Variants in ANK2 observed in about 807,000 individuals in gnomAD.
ANK2 encodes ankyrin 2, also known as ankyrin-2.
A neutral mutation model predicts 360.5 loss-of-function variants in ANK2; 83 were observed. That is an observed-to-expected ratio of 0.23 (90% CI 0.19 to 0.28). The LOEUF is 0.28. Among genes scored for constraint, ANK2 ranks in the 10% least tolerant of loss-of-function variants. The pLI, the probability that ANK2 is intolerant of heterozygous loss-of-function variation, is 1.00. For synonymous variants in ANK2, 1,740 were observed against 1,759.5 expected, an observed-to-expected ratio of 0.99 and a Z score of 0.28; for missense variants, 4,201 against 4,795.7, an observed-to-expected ratio of 0.88 and a Z score of 3.66.
chr4:112,726,618 G>A, the ANK2 span, among the ~76,000 whole-genome samples: 2 of 152,004 alleles, frequency 1.3e-5, no homozygotes, highest in African/African-American at 4.8e-5. Context: ...GCGGGAGGCC[G>A]AGGCGGGCAG....
Position 113,339,212 on chromosome 4 carries a change from T to A in ANK2, c.3797-14T>A. On this transcript the variant is annotated splice_polypyrimidine_tract_variant and intron_variant, in intron 31 of 45. Transcript: ENST00000357077. ...AGTTTTGCCTGATTTTTTTCAACAA[T>A]CATATTATTTCAGGTGGAACCACCC... 6.2e-7 allele frequency: 1 copy of A among 1,602,478 alleles called. No individual in the cohort carries two copies. The highest frequency in any genetic ancestry group is 8.5e-7 in the Non-Finnish European group (1 of 1,170,042).
Position 112,949,777 on chromosome 4 carries a change from A to C in ANK2, c.21+45263A>C, listed in dbSNP as rs140830747. Among the ~76,000 whole-genome samples, 133 of 152,362 alleles carry C rather than the reference A, an allele frequency of 8.7e-4. 1 individual carries two copies. The highest frequency in any genetic ancestry group is 5.8e-4 in the East Asian group (3 of 5,192). On this transcript the variant is annotated intron_variant, in intron 2 of 30. Coordinates refer to the ANK2 transcript ENST00000503271. ...TTGATGCCAAAGGTAAGAAACAAAC[A>C]GGAAAAAGAATGCCCAATTAGCATT...
At chr4:112,988,498 A>G (rs2045688249) in intron 2 of ANK2, among the ~76,000 whole-genome samples, 1 of 152,206 alleles carries the variant, frequency 6.6e-6, no homozygotes, top group South Asian at 2.1e-4. Flanking sequence ...AAAAGGGTTG[A>G]GCTGAGAAGA....
intron 1 of ANK2, among the ~76,000 whole-genome samples, chr4:112,821,310 A>G (rs1282667809): frequency 6.6e-6 from 1 of 152,140 alleles, no homozygotes; most frequent in Non-Finnish European, 1.5e-5. Context: ...TAGCTTCCCT[A>G]GTAGCTGGGA....
At chr4:113,014,421 A>G (rs1467618427) in intron 2 of ANK2, among the ~76,000 whole-genome samples, 1 of 152,246 alleles carries the variant, frequency 6.6e-6, no homozygotes, top group Non-Finnish European at 1.5e-5. Flanking sequence ...TCTACAGGTT[A>G]GGACACTGAG....
chr4:113,352,961 C>T (rs1393861304), intron 37 of ANK2, 84 bp from the exon 38 acceptor site: 2 of 1,495,732 alleles, frequency 1.3e-6, no homozygotes, highest in Non-Finnish European at 9.1e-7. Flanking sequence ...GGAAAAGACG[C>T]TGTGTCGTTT....
At chr4:113,007,168 A>C (rs2053176281) in intron 2 of ANK2, among the ~76,000 whole-genome samples, 1 of 152,224 alleles carries the variant, frequency 6.6e-6, no homozygotes, top group Non-Finnish European at 1.5e-5. Context: ...ACTTATAATA[A>C]AAATGGATAA....
rs752911811 is a variant in ANK2, at chr4:113,359,196, C to G, written c.10578C>G (p.His3526Gln). 6.2e-7 allele frequency: 1 copy of G among 1,613,214 alleles called. No individual in the cohort carries two copies. The highest frequency in any genetic ancestry group is 1.3e-5 in the African/African-American group (1 of 74,906). The change falls in exon 38 of 46, where the codon CAC becomes CAG. Residue 3526 changes from histidine to glutamine, a missense_variant. Physicochemically the swap from His to Gln is conservative, Grantham distance 24 (BLOSUM62 0). This residue lies in a region of ANK2 where 2,642 missense variants were observed against 2,714.5 expected (regional missense o/e 0.97). Transcript: ENST00000357077. ...IENLPPVETE[H>Q]SVPEDIFDTR... is the part of the protein sequence containing the mutation. ...ATCTGCCACCTGTTGAGACCGAGCA[C>G]TCAGTTCCTGAGGACATCTTTGACA... is the stretch of plus-strand genomic sequence containing the variant.
At chr4:112,824,530 A>T (rs1367732752) in intron 1 of ANK2, among the ~76,000 whole-genome samples, 2 of 127,002 alleles carry the variant, frequency 1.6e-5, no homozygotes, top group African/African-American at 6.1e-5. Flanking sequence ...TTTTAGACGG[A>T]GTCTTGCTCT....
chr4:113,048,224 G>T (rs1234483750), upstream of ANK2, among the ~76,000 whole-genome samples: 3 of 114,012 alleles, frequency 2.6e-5, no homozygotes, highest in Non-Finnish European at 5.0e-5. Context: ...AAGTATATTA[G>T]GTTCTGGTTG....
intron 2 of ANK2, among the ~76,000 whole-genome samples, chr4:113,176,753 G>T (rs6853426): frequency 6.6e-6 from 1 of 151,658 alleles, no homozygotes; most frequent in Admixed American, 6.6e-5. Context: ...TACATTAGGT[G>T]TATCTCCTAA....
rs112806778 is a variant in ANK2, at chr4:113,171,001, G to A, written c.85-3415G>A. On this transcript the variant is annotated intron_variant, in intron 1 of 45. Coordinates refer to ENST00000357077, the MANE Select transcript of ANK2 (RefSeq NM_001148.6). ...CTAGGGACATAAAGCAGCAAAGCAG[G>A]GAGAGGATAGTCTTACATTTGTCTG... Among the ~76,000 whole-genome samples, 407 of 152,302 alleles carry A rather than the reference G, an allele frequency of 2.7e-3. 1 individual carries two copies. Among genetic ancestry groups the A allele is most frequent in the African/African-American group, 9.5e-3 (394 of 41,556 alleles).
At chr4:112,762,517 G>A in the ANK2 span, among the ~76,000 whole-genome samples, 1 of 152,118 alleles carries the variant, frequency 6.6e-6, no homozygotes, top group Admixed American at 6.6e-5. Context: ...TTTTGTTGTT[G>A]TTGTTGTTAT....
chr4:112,855,775 C>T (rs1196272863), intron 1 of ANK2, among the ~76,000 whole-genome samples: 4 of 152,134 alleles, frequency 2.6e-5, no homozygotes, highest in Admixed American at 1.3e-4. Flanking sequence ...AGGCTCACTC[C>T]AGAGTCCATG....
chr4:113,099,526 A>G (rs373229543), intron 1 of ANK2, among the ~76,000 whole-genome samples: 1 of 152,048 alleles, frequency 6.6e-6, no homozygotes, highest in Non-Finnish European at 1.5e-5. Flanking sequence ...ATAGATAAGA[A>G]GACTCAATAT....
At chr4:112,971,053 ATATCT>A (rs1399124624) in intron 2 of ANK2, among the ~76,000 whole-genome samples, 1 of 152,212 alleles carries the variant, frequency 6.6e-6, no homozygotes, top group Non-Finnish European at 1.5e-5. Context: ...ATTACATAAA[ATATCT>A]TAAAGAATAC....
rs116549127 is a variant in ANK2 at position 112,931,176 on chromosome 4, A to G, written c.21+26662A>G. On this transcript the variant is annotated intron_variant, in intron 2 of 30. Transcript: ENST00000503271. ...GGGTCGACTCTGCACATGGCTAGGG[A>G]GAAAGGCTGGGTGCAGATGATCAGA... Among the ~76,000 whole-genome samples, 349 of 152,200 alleles carry G rather than the reference A, an allele frequency of 2.3e-3. 3 individuals are homozygous for G. The highest frequency in any genetic ancestry group is 6.2e-3 in the South Asian group (30 of 4,810).
At chr4:113,008,338 G>T (rs772481830) in intron 2 of ANK2, among the ~76,000 whole-genome samples, 1 of 152,048 alleles carries the variant, frequency 6.6e-6, no homozygotes, top group Non-Finnish European at 1.5e-5. Context: ...CCATCTGTTT[G>T]CTTTTGCAAG....
intron 15 of ANK2, among the ~76,000 whole-genome samples, chr4:113,276,133 G>A (rs145153549): frequency 0.026 from 3,943 of 151,932 alleles, 160 homozygotes; most frequent in East Asian, 0.19. Context: ...AGTAGAGACG[G>A]GGTTTCACTG....
Sources: gnomAD v4.1 joint callset for allele counts (sites outside exome capture counted in the v4.1 genomes callset) on GRCh38, gnomAD v4.1.1 for gene constraint, gnomAD v4.1.1 regional missense constraint, MANE v1.5 for transcripts, NCBI Gene and HGNC (gene_info 2026-07-23, HGNC 2026-07-21) for gene names.